LDLRAD4: variants seen among roughly 807,000 people sequenced by gnomAD.
The protein encoded by LDLRAD4 is low density lipoprotein receptor class A domain containing 4.
In LDLRAD4, 5 loss-of-function variants were observed where a neutral mutation model predicts 17.0. That is an observed-to-expected ratio of 0.29 (90% CI 0.15 to 0.62). The LOEUF (loss-of-function observed/expected upper bound fraction) is 0.62, where lower values mean the gene tolerates loss of function less well. Among genes scored for constraint, LDLRAD4 ranks in the 20% least tolerant of loss-of-function variants. LDLRAD4 has a pLI of 0.84. For missense variants in LDLRAD4, 340 were observed against 424.7 expected, an observed-to-expected ratio of 0.80 and a Z score of 1.75; for synonymous variants, 168 against 171.8, an observed-to-expected ratio of 0.98 and a Z score of 0.17.
intron 2 of LDLRAD4, among the ~76,000 whole-genome samples, chr18:13,395,766 G>A (rs2086641365): frequency 6.8e-6 from 1 of 147,862 alleles, no homozygotes; most frequent in Admixed American, 6.8e-5. Flanking sequence ...TGGCGTGGGG[G>A]TGGGGGCATG....
Position 13,621,143 on chromosome 18 carries a change from A to G in LDLRAD4, c.208A>G (p.Ile70Val), listed in dbSNP as rs781348267. The G allele has an allele frequency of 6.2e-7, 1 of 1,614,162 alleles. No homozygotes were observed. Among genetic ancestry groups the G allele is most frequent in the South Asian group, 1.1e-5 (1 of 91,080 alleles). ...GGAGCTGGAGTTCGCCCAAATCATC[A>G]TCATCGTCGTGGTGGTCACGGTGAT... The change falls in exon 4 of 6, where the codon ATC becomes GTC. Residue 70 changes from isoleucine to valine, a missense_variant. Ile to Val is a conservative substitution (Grantham distance 29). Transcript: ENST00000359446. This position sits in a 1 kb window ranked among gnomAD's most constrained non-coding sequence, Gnocchi z 5.5.
chr18:13,462,388 G>A (rs1180009422), intron 3 of LDLRAD4, among the ~76,000 whole-genome samples: 11 of 152,132 alleles, frequency 7.2e-5, no homozygotes, highest in African/African-American at 2.7e-4. Flanking sequence ...GGACGGGCCA[G>A]GGATGCATCC....
At chr18:13,345,629 A>G (rs1413148108) in intron 1 of LDLRAD4, among the ~76,000 whole-genome samples, 1 of 152,040 alleles carries the variant, frequency 6.6e-6, no homozygotes, top group Non-Finnish European at 1.5e-5. Flanking sequence ...CTCTTTTTTT[A>G]TTGATTGGAA....
At chr18:13,238,905 A>C (rs2042475072) in intron 1 of LDLRAD4, among the ~76,000 whole-genome samples, 1 of 152,032 alleles carries the variant, frequency 6.6e-6, no homozygotes, top group African/African-American at 2.4e-5. Flanking sequence ...GCTGCTTGTA[A>C]GGCCAGGCGG....
chr18:13,542,985 G>C (rs1027273998), intron 3 of LDLRAD4: 6 of 152,096 alleles, frequency 3.9e-5, no homozygotes, highest in Non-Finnish European at 8.8e-5. Flanking sequence ...GGATAAACGT[G>C]GTAAATATGG....
chr18:13,524,850 AG>A (rs1005507936), intron 3 of LDLRAD4, among the ~76,000 whole-genome samples: 5 of 152,228 alleles, frequency 3.3e-5, no homozygotes, highest in Admixed American at 2.0e-4. Context: ...AAGCTTTAAG[AG>A]TGACTTGATC....
chr18:13,592,264 A>C (rs748310706), intron 3 of LDLRAD4, among the ~76,000 whole-genome samples: 2 of 152,256 alleles, frequency 1.3e-5, no homozygotes, highest in African/African-American at 2.4e-5. Context: ...CTTGCATCAT[A>C]ACCCAATATA....
intron 3 of LDLRAD4, among the ~76,000 whole-genome samples, chr18:13,473,680 A>AT (rs2092854924): frequency 3.3e-5 from 2 of 60,092 alleles, no homozygotes; most frequent in Non-Finnish European, 3.6e-5. Context: ...TATATATATA[A>AT]CGTTTACATT....
At chr18:13,573,127 C>T (rs530380184) in intron 3 of LDLRAD4, among the ~76,000 whole-genome samples, 50 of 152,136 alleles carry the variant, frequency 3.3e-4, no homozygotes, top group African/African-American at 1.1e-3. Flanking sequence ...TTTTTTGAGA[C>T]GGAGTCTCGC....
intron 3 of LDLRAD4, chr18:13,489,887 ATTT>A (rs2093323509): frequency 6.6e-6 from 1 of 152,130 alleles, no homozygotes; most frequent in African/African-American, 2.4e-5. Context: ...GAGGGAGGAG[ATTT>A]GTGCCAGGGA....
intron 3 of LDLRAD4, among the ~76,000 whole-genome samples, chr18:13,492,649 C>T (rs999776388): frequency 2.0e-5 from 3 of 152,240 alleles, no homozygotes; most frequent in African/African-American, 7.2e-5. Context: ...GCAGGTGTCC[C>T]AGGGCCTTAG....
In LDLRAD4 at chr18:13,619,841, T is replaced by A. The variant is rs563219856; in HGVS notation, c.182-1276T>A. Among the ~76,000 whole-genome samples, 181 of 152,230 alleles carry A rather than the reference T, an allele frequency of 1.2e-3. 1 individual carries two copies. The highest frequency in any genetic ancestry group is 0.012 in the Admixed American group (178 of 15,306). ...CCTGCCTGCGGGGGCAGGGGGCCCT[T>A]GGCAGGTCCACCTGCTCTCTGCACA... On this transcript the variant is annotated intron_variant, in intron 3 of 5. Transcript: ENST00000359446.
chr18:13,464,498 G>T (rs1308029545), intron 3 of LDLRAD4, among the ~76,000 whole-genome samples: 2 of 152,120 alleles, frequency 1.3e-5, no homozygotes, highest in East Asian at 3.8e-4. Flanking sequence ...TTAAATATCT[G>T]GTTATACCTG....
chr18:13,350,829 G>A (rs1341369230), intron 1 of LDLRAD4, among the ~76,000 whole-genome samples: 1 of 152,178 alleles, frequency 6.6e-6, no homozygotes, highest in Admixed American at 6.5e-5. Flanking sequence ...GAAGGGTCCA[G>A]TTTCAGTTTT....
intron 2 of LDLRAD4, among the ~76,000 whole-genome samples, chr18:13,413,367 A>G (rs1467984355): frequency 6.6e-6 from 1 of 152,238 alleles, no homozygotes; most frequent in Non-Finnish European, 1.5e-5. Context: ...GTTTAAGCTG[A>G]TAGAGAATTC....
intron 3 of LDLRAD4, chr18:13,563,004 G>A (rs1440639022): frequency 1.3e-5 from 2 of 152,220 alleles, no homozygotes; most frequent in Non-Finnish European, 2.9e-5. Flanking sequence ...GCCTGGTCTA[G>A]TGTAACAAAT....
At chr18:13,461,783 T>C (rs1349278271) in intron 3 of LDLRAD4, among the ~76,000 whole-genome samples, 2 of 152,208 alleles carry the variant, frequency 1.3e-5, no homozygotes, top group Non-Finnish European at 2.9e-5. Flanking sequence ...TTGCAGAAAG[T>C]GACCAATCAG....
intron 1 of LDLRAD4, among the ~76,000 whole-genome samples, chr18:13,323,565 C>G (rs1352412767): frequency 2.0e-5 from 3 of 151,008 alleles, no homozygotes; most frequent in Non-Finnish European, 2.9e-5. Context: ...GCGCCAAACT[C>G]CAAACAAAAC....
intron 3 of LDLRAD4, among the ~76,000 whole-genome samples, chr18:13,468,679 G>C (rs960197085): frequency 5.9e-5 from 9 of 152,102 alleles, no homozygotes; most frequent in Admixed American, 3.3e-4. Context: ...CATAAAAAAT[G>C]ATGAGTTCAT....
Sources: allele counts gnomAD v4.1 joint callset (sites outside exome capture counted in the v4.1 genomes callset), GRCh38; gene constraint gnomAD v4.1.1; non-coding constraint Gnocchi (gnomAD v3.1); transcripts MANE v1.5; gene names NCBI Gene and HGNC (gene_info 2026-07-23, HGNC 2026-07-21).